Variants in RIMS2 observed in about 807,000 individuals in gnomAD.
RIMS2 encodes regulating synaptic membrane exocytosis protein 2.
In RIMS2, 59 loss-of-function variants were observed where a neutral mutation model predicts 174.4. The observed-to-expected ratio is 0.34, with a 90% CI of 0.27 to 0.42. RIMS2 has a LOEUF of 0.42. RIMS2 is among the 10% of genes least tolerant of loss of function. RIMS2 has a pLI of 1.00. For missense variants in RIMS2, 1,620 were observed against 1,666.3 expected, an observed-to-expected ratio of 0.97 and a Z score of 0.48; for synonymous variants, 606 against 572.5, an observed-to-expected ratio of 1.06 and a Z score of -0.84.
At chr8:103,957,829 A>C (rs1249006917) in intron 14 of RIMS2, among the ~76,000 whole-genome samples, 2 of 152,246 alleles carry the variant, frequency 1.3e-5, no homozygotes, top group Non-Finnish European at 2.9e-5. Flanking sequence ...CATTAGGGCA[A>C]TGCAAATCAA....
intron 1 of RIMS2, among the ~76,000 whole-genome samples, chr8:103,604,530 G>T (rs1181994947): frequency 6.6e-6 from 1 of 151,820 alleles, no homozygotes; most frequent in Non-Finnish European, 1.5e-5. Flanking sequence ...TTCCAATTCT[G>T]TGAAGAAAGG....
chr8:103,536,439 C>G (rs927959472), intron 1 of RIMS2, among the ~76,000 whole-genome samples: 9 of 152,092 alleles, frequency 5.9e-5, no homozygotes, highest in Admixed American at 2.0e-4. Flanking sequence ...TGTATCAGTC[C>G]ATTCTTGCAT....
At chr8:103,517,203 C>A (rs76742837) in intron 1 of RIMS2, among the ~76,000 whole-genome samples, 1,663 of 152,178 alleles carry the variant, frequency 0.011, 47 homozygotes, top group African/African-American at 0.038. Flanking sequence ...GGCTAGTATA[C>A]GAACATGGAG....
chr8:104,171,126 T>A (rs953597306), intron 19 of RIMS2, among the ~76,000 whole-genome samples: 1 of 152,152 alleles, frequency 6.6e-6, no homozygotes, highest in Non-Finnish European at 1.5e-5. Flanking sequence ...TTGGTGGTGA[T>A]CTTTTGCAAT....
chr8:103,780,013 T>C (rs1380159090), intron 3 of RIMS2, among the ~76,000 whole-genome samples: 4 of 152,156 alleles, frequency 2.6e-5, no homozygotes, highest in African/African-American at 9.7e-5. Context: ...AGTACCATAC[T>C]GATTTGGTTA....
intron 3 of RIMS2, among the ~76,000 whole-genome samples, chr8:103,824,677 T>C (rs1161107559): frequency 6.6e-6 from 1 of 152,190 alleles, no homozygotes; most frequent in African/African-American, 2.4e-5. Context: ...AGAGCAGCTC[T>C]GGTATAGAAA....
At chr8:103,995,425 G>A (rs1182593148) in intron 17 of RIMS2, among the ~76,000 whole-genome samples, 1 of 152,002 alleles carries the variant, frequency 6.6e-6, no homozygotes, top group African/African-American at 2.4e-5. Flanking sequence ...AGAGAAGTTG[G>A]GCTTTAAAGA....
chr8:103,617,968 C>G (rs2095544904), intron 1 of RIMS2, among the ~76,000 whole-genome samples: 1 of 152,012 alleles, frequency 6.6e-6, no homozygotes, highest in African/African-American at 2.4e-5. Flanking sequence ...GATTTAATAG[C>G]AGAAATACCA....
chr8:103,994,367 C>A (rs1327670120), intron 17 of RIMS2, among the ~76,000 whole-genome samples: 1 of 151,898 alleles, frequency 6.6e-6, no homozygotes, highest in African/African-American at 2.4e-5. Context: ...TCTATGACTT[C>A]TTTATTTTGT....
intron 1 of RIMS2, among the ~76,000 whole-genome samples, chr8:103,541,995 A>G (rs150778145): frequency 6.6e-6 from 1 of 152,278 alleles, no homozygotes; most frequent in East Asian, 1.9e-4. Flanking sequence ...AAATAATCTA[A>G]TCACAAAGTA....
At chr8:103,726,966 T>C (rs1413373935) in intron 2 of RIMS2, among the ~76,000 whole-genome samples, 1 of 151,428 alleles carries the variant, frequency 6.6e-6, no homozygotes, top group African/African-American at 2.4e-5. Context: ...CTTGAACTGC[T>C]GACCTTGTGA....
At chr8:103,651,156 T>C (rs943029277) in intron 1 of RIMS2, among the ~76,000 whole-genome samples, 1 of 152,224 alleles carries the variant, frequency 6.6e-6, no homozygotes, top group East Asian at 1.9e-4. Flanking sequence ...CAAGGATCTG[T>C]GGGAGAAACG....
At chr8:103,972,702 T>C (rs1361146182) in intron 15 of RIMS2, among the ~76,000 whole-genome samples, 1 of 152,162 alleles carries the variant, frequency 6.6e-6, no homozygotes, top group East Asian at 1.9e-4. Context: ...AACCTTTCTC[T>C]CTGTGTTTAT....
At chr8:104,044,222 G>A (rs1271971772) in intron 19 of RIMS2, among the ~76,000 whole-genome samples, 1 of 151,596 alleles carries the variant, frequency 6.6e-6, no homozygotes, top group Non-Finnish European at 1.5e-5. Context: ...AGATTAGGAG[G>A]TCTCTAAGCA....
At chr8:104,018,162 C>A (rs2095979671) in intron 19 of RIMS2, among the ~76,000 whole-genome samples, 3 of 152,044 alleles carry the variant, frequency 2.0e-5, no homozygotes, top group Non-Finnish European at 2.9e-5. Context: ...AACAGATATA[C>A]CTATTTGGTC....
chr8:103,618,845 T>C (rs2095565405), intron 1 of RIMS2, among the ~76,000 whole-genome samples: 1 of 152,038 alleles, frequency 6.6e-6, no homozygotes, highest in Non-Finnish European at 1.5e-5. Context: ...TGCAAGGATA[T>C]TGGAAGACAA....
chr8:103,615,128 AT>A (rs2095475838), intron 1 of RIMS2, among the ~76,000 whole-genome samples: 1 of 152,182 alleles, frequency 6.6e-6, no homozygotes, highest in African/African-American at 2.4e-5. Context: ...TGACCACATA[AT>A]TGGACATAAA....
intron 2 of RIMS2, among the ~76,000 whole-genome samples, chr8:103,720,788 G>A (rs35287474): frequency 0.18 from 26,760 of 152,062 alleles, 2,555 homozygotes; most frequent in African/African-American, 0.23. Flanking sequence ...GTTTTGAGTA[G>A]TTTAAAAGGC....
intron 1 of RIMS2, among the ~76,000 whole-genome samples, chr8:103,508,702 A>G (rs1824944382): frequency 6.6e-6 from 1 of 152,106 alleles, no homozygotes; most frequent in Admixed American, 6.6e-5. Flanking sequence ...CTCTCATTTA[A>G]TAGATTGGTT....
Sources: allele counts gnomAD v4.1 joint callset (sites outside exome capture counted in the v4.1 genomes callset), GRCh38; gene constraint gnomAD v4.1.1; transcripts MANE v1.5; gene names NCBI Gene and HGNC (gene_info 2026-07-23, HGNC 2026-07-21).